Variants in IRS2 observed in about 807,000 individuals in gnomAD.
IRS2 encodes insulin receptor substrate 2.
In IRS2, 28 loss-of-function variants were observed where a neutral mutation model predicts 70.9. The ratio of observed to expected loss-of-function variants is 0.39; its 90% CI spans 0.29 to 0.54. IRS2 has a LOEUF of 0.54. Ranked by LOEUF, IRS2 falls within the 20% of genes least tolerant of loss-of-function variation. IRS2 has a pLI of 0.59. For missense variants in IRS2, 2,081 were observed against 2,024.1 expected, an observed-to-expected ratio of 1.03 and a Z score of -0.54; for synonymous variants, 1,217 against 981.9, an observed-to-expected ratio of 1.24 and a Z score of -4.48.
At chr13:109,759,808 G>A (rs573466384) in intron 1 of IRS2, among the ~76,000 whole-genome samples, 2 of 151,950 alleles carry the variant, frequency 1.3e-5, no homozygotes, top group South Asian at 2.1e-4. Flanking sequence ...ACCAAGAGCT[G>A]GTGCCCCTGG....
chr13:109,772,340 G>A (rs1877472167), intron 1 of IRS2, among the ~76,000 whole-genome samples: 1 of 152,224 alleles, frequency 6.6e-6, no homozygotes, highest in Admixed American at 6.5e-5. Context: ...GCTTCTGGCC[G>A]ATTCATGAAG....
chr13:109,770,802 G>A (rs1304986480), intron 1 of IRS2, among the ~76,000 whole-genome samples: 2 of 152,284 alleles, frequency 1.3e-5, no homozygotes, highest in South Asian at 2.1e-4. Context: ...GCTGACACAC[G>A]CTGAACTCTC....
At chr13:109,756,873 G>A (rs930514638) in intron 1 of IRS2, among the ~76,000 whole-genome samples, 6 of 152,168 alleles carry the variant, frequency 3.9e-5, no homozygotes, top group African/African-American at 9.7e-5. Context: ...ACTTCCAACC[G>A]GATCATCTAC....
intron 1 of IRS2, 48 bp from the exon 2 acceptor site, chr13:109,756,356 G>T: frequency 1.3e-6 from 2 of 1,585,460 alleles, no homozygotes; most frequent in African/African-American, 1.3e-5. Context: ...GGAGAACAGA[G>T]CAATCTCTGG....
In IRS2 at chr13:109,783,949, ACGGCGGCGGCGGCGG is replaced by A. The variant is rs34412495; in HGVS notation, c.2090_2104del (p.Ala697_Ala701del). Reference sequence around the variant, plus strand: ...TGGCCCCGCAGGCCCCGCAGAAGGCACGGCGGCGGCGGCGGCGGCGGCGGCCCTGGGCTGCAAGAT... The same window carrying A: ...TGGCCCCGCAGGCCCCGCAGAAGGCACGGCGGCGGCCCTGGGCTGCAAGAT... On this transcript the variant is annotated inframe_deletion, in exon 1 of 2. Transcript: ENST00000375856. The A allele has an allele frequency of 2.8e-5, 43 of 1,520,690 alleles. No individual in the cohort carries two copies. Among genetic ancestry groups the A allele is most frequent in the African/African-American group, 1.5e-4 (11 of 71,382 alleles). The allele number at this position is 1,520,690 out of a possible 1,614,324, so 94.2% of individuals were successfully genotyped here.
At chr13:109,770,161 C>CT (rs1877420627) in intron 1 of IRS2, among the ~76,000 whole-genome samples, 2 of 152,154 alleles carry the variant, frequency 1.3e-5, no homozygotes, top group African/African-American at 4.8e-5. Flanking sequence ...GCAAGCAGCC[C>CT]TTTGAGCCGG....
In IRS2 at chr13:109,784,406, T is replaced by C. The variant is rs923553763; in HGVS notation, c.1648A>G (p.Ser550Gly). 1 of 1,609,620 alleles carries C rather than the reference T, an allele frequency of 6.2e-7. No homozygotes were observed. The change falls in exon 1 of 2, where the codon AGC (serine) becomes GGC (glycine). Residue 550 changes from serine to glycine, a missense_variant. Around this residue, in one of 4 missense-constraint regions of IRS2, gnomAD observed 1,615 missense variants for 1,459.5 expected, o/e 1.11. Coordinates refer to ENST00000375856, the MANE Select transcript of IRS2 (RefSeq NM_003749.3). The surrounding 1 kb of genome is among the most constrained non-coding windows in gnomAD (Gnocchi z 5.2). ...YGYMTMDRPL[S>G]HCGRSYRRVS... is the part of the protein sequence containing the mutation. ...CGGCGGTAGGAGCGGCCACAGTGGC[T>C]CAGGGGCCTGTCCATGGTCATGTAC...
chr13:109,768,847 G>A (rs551487659), intron 1 of IRS2, among the ~76,000 whole-genome samples: 143 of 152,212 alleles, frequency 9.4e-4, no homozygotes, highest in African/African-American at 3.2e-3. Flanking sequence ...GCTCAACGGC[G>A]GGGCAGGCAT....
Position 109,785,143 on chromosome 13 carries a change from C to T in IRS2, c.911G>A (p.Ser304Asn). 1 of 1,597,752 alleles carries T rather than the reference C, an allele frequency of 6.3e-7. No individual in the cohort carries two copies. Among genetic ancestry groups the T allele is most frequent in the East Asian group, 2.3e-5 (1 of 44,062 alleles). The change falls in exon 1 of 2, where the codon AGT (serine) becomes AAT (asparagine). Residue 304 changes from serine (S) to asparagine (N), a missense_variant. Physicochemically the swap from Ser to Asn is conservative, Grantham distance 46. Transcript: ENST00000375856. This position sits in a 1 kb window ranked among gnomAD's most constrained non-coding sequence, Gnocchi z 9.3. Reference protein sequence around the residue: ...LKELFEFRPRSKSQSSGSSAT... With the variant: ...LKELFEFRPRNKSQSSGSSAT... ...CGACGACCCCGACGATTGGCTCTTACTGCGCGGCCGGAACTCGAAGAGCTC... is the reference window on the plus strand; with the variant it reads ...CGACGACCCCGACGATTGGCTCTTATTGCGCGGCCGGAACTCGAAGAGCTC...
chr13:109,764,830 A>G (rs1328159982), intron 1 of IRS2, among the ~76,000 whole-genome samples: 1 of 152,274 alleles, frequency 6.6e-6, no homozygotes, highest in African/African-American at 2.4e-5. Flanking sequence ...CACAAAAACA[A>G]TGGCAAATTG....
chr13:109,782,898 G>C lies in IRS2; in HGVS notation c.3156C>G (p.Thr1052=). 4 of 1,553,098 alleles carry C rather than the reference G, an allele frequency of 2.6e-6. No individual in the cohort carries two copies. Among genetic ancestry groups the C allele is most frequent in the Non-Finnish European group, 3.5e-6 (4 of 1,148,666 alleles). ...YRLPPASAVA[T]AQGPGAASSL... ...ATGAGGCGGCGCCCGGGCCCTGGGC[G>C]GTGGCAACGGCCGAGGCGGGGGGCA... Residue 1052 remains threonine, a synonymous_variant, in exon 1 of 2, where the codon ACC becomes ACG. Transcript: ENST00000375856.
In IRS2 at chr13:109,753,246, C is replaced by T; in HGVS notation, c.*3058G>A. 1 of 152,508 alleles carries T rather than the reference C, an allele frequency of 6.6e-6. No individual in the cohort carries two copies. The highest frequency in any genetic ancestry group is 1.5e-5 in the Non-Finnish European group (1 of 68,148). The allele number at this position is 152,508 out of a possible 1,614,324, so 9.4% of individuals were successfully genotyped here. A position where few individuals can be genotyped will look rare whatever the true frequency, so the allele number is the denominator to read the frequency against. On this transcript the variant is annotated 3_prime_UTR_variant, in exon 2 of 2. Coordinates refer to ENST00000375856, the MANE Select transcript of IRS2 (RefSeq NM_003749.3). ...AAAGTGCTGGGATTACAGGTGTGAGCCACCACGCCCGGCCGGAGGAAGCAT... is the reference window on the plus strand; with the variant it reads ...AAAGTGCTGGGATTACAGGTGTGAGTCACCACGCCCGGCCGGAGGAAGCAT...
chr13:109,772,363 C>T (rs867352487), intron 1 of IRS2, among the ~76,000 whole-genome samples: 1 of 152,370 alleles, frequency 6.6e-6, no homozygotes, highest in Middle Eastern at 3.4e-3. Flanking sequence ...CCCCAGACCA[C>T]ACGTCTGCAT....
chr13:109,783,601 C>G lies in IRS2; in HGVS notation c.2453G>C (p.Gly818Ala), dbSNP rs754539856. Residue 818 changes from glycine to alanine, a missense_variant, in exon 1 of 2, where the codon GGG becomes GCG. Transcript: ENST00000375856. Reference protein sequence around the residue: ...RSYKAPYTCGGDSDQYVLMSS... With the variant: ...RSYKAPYTCGADSDQYVLMSS... The stretch of plus-strand genomic sequence containing the variant: ...CATGAGCACGTACTGGTCGCTGTCC[C>G]CGCCACAGGTGTAGGGGGCCTTGTA... The G allele has an allele frequency of 3.2e-6, 5 of 1,547,694 alleles. No homozygotes were observed. The highest frequency in any genetic ancestry group is 4.4e-6 in the Non-Finnish European group (5 of 1,144,512).
At chr13:109,773,057 C>G (rs888826972) in intron 1 of IRS2, among the ~76,000 whole-genome samples, 13 of 152,130 alleles carry the variant, frequency 8.5e-5, no homozygotes, top group African/African-American at 2.2e-4. Flanking sequence ...TAAAGTGTTT[C>G]TTTCTGCTTT....
Position 109,785,523 on chromosome 13 carries a change from G to A in IRS2, c.531C>T (p.Ala177=). The A allele has an allele frequency of 2.5e-6, 4 of 1,598,520 alleles. No individual in the cohort carries two copies. Among genetic ancestry groups the A allele is most frequent in the Non-Finnish European group, 3.4e-6 (4 of 1,173,200 alleles). Residue 177 remains alanine, a synonymous_variant, in exon 1 of 2, where the codon GCC becomes GCT. Transcript: ENST00000375856. The surrounding 1 kb of genome is among the most constrained non-coding windows in gnomAD (Gnocchi z 9.3). ...GCCCGTAGCTGTCCTCGGCCCCGGC[G>A]GCGCCGGCAGAGCCGCCCAGGGCGC... ...LPGALGGSAG[A]AGAEDSYGLV... is the part of the protein sequence containing the mutation.
chr13:109,754,470 G>C lies in IRS2; in HGVS notation c.*1834C>G, dbSNP rs114764400. ...TATCGTACCTGGGGGGAGTTACAAA[G>C]CAAATACCACCCATTGATGCCTATT... is the stretch of plus-strand genomic sequence containing the variant. On this transcript the variant is annotated 3_prime_UTR_variant, in exon 2 of 2. Transcript: ENST00000375856. 37 of 204,230 alleles carry C rather than the reference G, an allele frequency of 1.8e-4. No individual in the cohort carries two copies. The highest frequency in any genetic ancestry group is 1.6e-3 in the Middle Eastern group (1 of 610). 12.7% of individuals were successfully genotyped at this position (204,230 alleles called of 1,614,324 possible).
At chr13:109,756,403 C>G in intron 1 of IRS2, 95 bp from the exon 2 acceptor site, 1 of 1,010,770 alleles carries the variant, frequency 9.9e-7, no homozygotes, top group Non-Finnish European at 1.6e-6. Flanking sequence ...ACAGCTAGGA[C>G]CTGGGTCATT....
chr13:109,764,275 C>T (rs1231096607), intron 1 of IRS2, among the ~76,000 whole-genome samples: 11 of 152,144 alleles, frequency 7.2e-5, no homozygotes, highest in African/African-American at 2.4e-4. Context: ...GTGTGAAAGG[C>T]GCTGTCGCCA....
Sources: gnomAD v4.1 joint callset for allele counts (sites outside exome capture counted in the v4.1 genomes callset) on GRCh38, gnomAD v4.1.1 for gene constraint, gnomAD v4.1.1 regional missense constraint, Gnocchi (gnomAD v3.1) non-coding constraint, MANE v1.5 for transcripts, NCBI Gene and HGNC (gene_info 2026-07-23, HGNC 2026-07-21) for gene names.